The following LARGE1 variants were observed in gnomAD, a reference collection of about 807,000 sequenced individuals.
LARGE1 encodes the protein xylosyl- and glucuronyltransferase LARGE1.
A neutral mutation model predicts 87.6 loss-of-function variants in LARGE1; 43 were observed. That is an observed-to-expected ratio of 0.49 (90% CI 0.38 to 0.63). LARGE1 has a LOEUF of 0.63. Among genes scored for constraint, LARGE1 ranks in the 30% least tolerant of loss-of-function variants. LARGE1 has a pLI of 0.00. For synonymous variants in LARGE1, 434 were observed against 394.6 expected (o/e 1.10, Z -1.18); for missense variants, 802 against 1,000.2 (o/e 0.80, Z 2.67).
At chr22:33,682,372 C>T (rs2081802157) in intron 2 of LARGE1, among the ~76,000 whole-genome samples, 2 of 152,308 alleles carry the variant, frequency 1.3e-5, no homozygotes, top group Middle Eastern at 3.4e-3. Flanking sequence ...TGATCTGGCC[C>T]TGGCCTCCTT....
At chr22:33,548,785 C>T (rs2077439904) in intron 6 of LARGE1, among the ~76,000 whole-genome samples, 2 of 152,184 alleles carry the variant, frequency 1.3e-5, no homozygotes, top group African/African-American at 4.8e-5. Context: ...TTGTAGTATA[C>T]AATGTCTCAA....
At chr22:33,240,019 G>T (rs1926440977) in intron 11 of LARGE1, among the ~76,000 whole-genome samples, 1 of 152,190 alleles carries the variant, frequency 6.6e-6, no homozygotes, top group Non-Finnish European at 1.5e-5. Context: ...ACGCCTATGA[G>T]TGAAAAGCCT....
At chr22:33,138,453 T>TA in the LARGE1 span, among the ~76,000 whole-genome samples, 5 of 151,712 alleles carry the variant, frequency 3.3e-5, no homozygotes, top group Non-Finnish European at 7.4e-5. Flanking sequence ...TTTTTTCATT[T>TA]TTTTTTTTGA....
At chr22:33,428,066 T>C (rs192637430) in intron 7 of LARGE1, among the ~76,000 whole-genome samples, 2 of 152,312 alleles carry the variant, frequency 1.3e-5, no homozygotes, top group Admixed American at 6.5e-5. Context: ...GGATTACACC[T>C]GGGGAAAGTA....
intron 11 of LARGE1, 50 bp downstream of exon 11, chr22:33,316,035 T>A (rs771286866): frequency 1.9e-6 from 3 of 1,596,260 alleles, no homozygotes; most frequent in Non-Finnish European, 1.7e-6. Context: ...CTATCCTCCA[T>A]GTAACAGCCG....
At chr22:33,492,374 G>A (rs1332429036) in intron 6 of LARGE1, among the ~76,000 whole-genome samples, 1 of 152,222 alleles carries the variant, frequency 6.6e-6, no homozygotes, top group East Asian at 1.9e-4. Context: ...TTCAAGTGAA[G>A]GCAAAGGAGT....
chr22:33,767,779 AAC>A (rs755991613), intron 1 of LARGE1, among the ~76,000 whole-genome samples: 152 of 152,248 alleles, frequency 1.0e-3, no homozygotes, highest in Middle Eastern at 3.4e-3. Flanking sequence ...CATACACACA[AAC>A]ACACACATAT....
chr22:33,724,486 C>T (rs1350106476), intron 2 of LARGE1, among the ~76,000 whole-genome samples: 3 of 152,156 alleles, frequency 2.0e-5, no homozygotes, highest in Non-Finnish European at 2.9e-5. Context: ...GGGTCACCTT[C>T]GTGCCCTCAT....
At position 33,867,801 on chromosome 22, in the gene LARGE1, G is replaced by T. The variant is rs2064152285; in HGVS notation, c.-83+52194C>A. On this transcript the variant is annotated intron_variant, in intron 1 of 14. Coordinates refer to ENST00000397394, the MANE Select transcript of LARGE1 (RefSeq NM_133642.5). ...CACAACGTTGTTAGTAGGATTACAT[G>T]AGAGAACTTAAATAAAGTGCCCAAG... Among the ~76,000 whole-genome samples the T allele has an allele frequency of 2.6e-5, 4 of 152,146 alleles. 1 individual carries two copies. The South Asian group carries it at 8.3e-4, about 32-fold the overall frequency.
intron 4 of LARGE1, among the ~76,000 whole-genome samples, chr22:33,613,146 T>C (rs974424150): frequency 6.6e-6 from 1 of 152,172 alleles, no homozygotes; most frequent in Admixed American, 6.5e-5. Flanking sequence ...TTGCTGATAT[T>C]GTCTCAGCAA....
At chr22:33,647,166 T>C (rs542432409) in intron 3 of LARGE1, among the ~76,000 whole-genome samples, 1 of 152,226 alleles carries the variant, frequency 6.6e-6, no homozygotes, top group African/African-American at 2.4e-5. Flanking sequence ...TGGATACACA[T>C]TTTTGATATG....
intron 1 of LARGE1, among the ~76,000 whole-genome samples, chr22:33,777,474 C>T (rs577162854): frequency 6.6e-6 from 1 of 152,004 alleles, no homozygotes; most frequent in Admixed American, 6.6e-5. Context: ...CTCATCTCTA[C>T]AAAAAAAGCA....
At chr22:33,259,755 T>C (rs919848070) in intron 11 of LARGE1, among the ~76,000 whole-genome samples, 3 of 152,208 alleles carry the variant, frequency 2.0e-5, no homozygotes, top group Non-Finnish European at 2.9e-5. Flanking sequence ...GAAGTTCCAC[T>C]CTCTGCTTCC....
chr22:33,278,455 G>C (rs1201252867), intron 13 of LARGE1, among the ~76,000 whole-genome samples: 1 of 152,068 alleles, frequency 6.6e-6, no homozygotes, highest in Non-Finnish European at 1.5e-5. Context: ...TTGTTATACA[G>C]TAGTAGCAAA....
chr22:33,188,010 G>A (rs1051764267), intron 11 of LARGE1, among the ~76,000 whole-genome samples: 18 of 145,278 alleles, frequency 1.2e-4, no homozygotes, highest in African/African-American at 4.5e-4. Context: ...AATAGTGTGT[G>A]CGGTAATGTC....
intron 13 of LARGE1, among the ~76,000 whole-genome samples, chr22:33,278,720 TTTTA>T (rs1201496583): frequency 6.6e-6 from 1 of 152,048 alleles, no homozygotes; most frequent in African/African-American, 2.4e-5. Context: ...ACCTCTCTTT[TTTTA>T]TTTTTTTATT....
chr22:33,759,572 A>T (rs1004441853), intron 2 of LARGE1, among the ~76,000 whole-genome samples: 2 of 152,188 alleles, frequency 1.3e-5, no homozygotes, highest in African/African-American at 4.8e-5. Context: ...GGCCTGTAGA[A>T]ATACTCAAAA....
At chr22:33,217,938 CTTTTTTTT>C (rs887023465) in intron 11 of LARGE1, among the ~76,000 whole-genome samples, 1 of 144,994 alleles carries the variant, frequency 6.9e-6, no homozygotes, top group Non-Finnish European at 1.5e-5. Flanking sequence ...CTTTTTTTTT[CTTTTTTTT>C]TTAGATGGAG....
At chr22:33,545,344 G>A (rs2077330422) in intron 6 of LARGE1, among the ~76,000 whole-genome samples, 1 of 147,816 alleles carries the variant, frequency 6.8e-6, no homozygotes, top group African/African-American at 2.5e-5. Context: ...TCAGCTCACT[G>A]CAGCCGCAGC....
Sources: gnomAD v4.1 joint callset for allele counts (sites outside exome capture counted in the v4.1 genomes callset) on GRCh38, gnomAD v4.1.1 for gene constraint, MANE v1.5 for transcripts, NCBI Gene and HGNC (gene_info 2026-07-23, HGNC 2026-07-21) for gene names.